Variants in LTV1 observed in about 807,000 individuals in gnomAD.
The protein encoded by LTV1 is LTV1 ribosome biogenesis factor.
LTV1 carries 39 observed loss-of-function variants against 59.9 expected under a neutral mutation model. The observed-to-expected ratio is 0.65, with a 90% CI of 0.50 to 0.85. The LOEUF is 0.85. Among genes scored for constraint, LTV1 ranks in the 40% least tolerant of loss-of-function variants. LTV1 has a pLI of 0.00. For synonymous variants in LTV1, 171 were observed against 189.5 expected, an observed-to-expected ratio of 0.90 and a Z score of 0.80; for missense variants, 493 against 549.1, an observed-to-expected ratio of 0.90 and a Z score of 1.02.
At chr6:143,847,516 T>C (rs779115932) in intron 3 of LTV1, among the ~76,000 whole-genome samples, 7 of 152,164 alleles carry the variant, frequency 4.6e-5, no homozygotes, top group Non-Finnish European at 1.0e-4. Flanking sequence ...CATGTGGCAC[T>C]GTGCCCGGCT....
chr6:143,849,838 C>G (rs1187367881), intron 3 of LTV1, among the ~76,000 whole-genome samples: 5 of 152,094 alleles, frequency 3.3e-5, no homozygotes, highest in Non-Finnish European at 4.4e-5. Context: ...TTCCTAACTT[C>G]CGAAGGTTAC....
rs1260494543 is a variant in LTV1, at chr6:143,863,187, T to C, written c.1218T>C (p.Asn406=). 2 of 1,613,906 alleles carry C rather than the reference T, an allele frequency of 1.2e-6. No individual in the cohort carries two copies. Among genetic ancestry groups the C allele is most frequent in the Admixed American group, 1.7e-5 (1 of 60,004 alleles). ...AAACTGAAAGAATACAGATGATTAATGGCAGTGATCTTCCTAAAGTATCAA... is the reference window on the plus strand; with the variant it reads ...AAACTGAAAGAATACAGATGATTAACGGCAGTGATCTTCCTAAAGTATCAA... ...AKQTERIQMI[N]GSDLPKVSTQ... Residue 406 remains asparagine, a synonymous_variant, in exon 10 of 11, where the codon AAT becomes AAC. Coordinates refer to ENST00000367576, the MANE Select transcript of LTV1 (RefSeq NM_032860.5). This position sits in a 1 kb window ranked among gnomAD's most constrained non-coding sequence, Gnocchi z 4.5.
chr6:143,847,594 C>G (rs960652011), intron 3 of LTV1, among the ~76,000 whole-genome samples: 12 of 152,350 alleles, frequency 7.9e-5, no homozygotes, highest in South Asian at 2.1e-4. Flanking sequence ...CTCCCGACTT[C>G]AGGTGATCTG....
chr6:143,843,633 C>T (rs1020227459), intron 1 of LTV1, among the ~76,000 whole-genome samples, 153 bp downstream of exon 1: 14 of 152,302 alleles, frequency 9.2e-5, no homozygotes, highest in African/African-American at 3.4e-4. Context: ...ACGTCACCAC[C>T]GTGGGCATTC....
rs201492042 is a variant in LTV1 at position 143,855,954 on chromosome 6, G to T, written c.398-1349G>T. 6.6e-6 allele frequency among the ~76,000 whole-genome samples: 1 copy of T among 151,070 alleles called. No individual in the cohort carries two copies. Among genetic ancestry groups the T allele is most frequent in the African/African-American group, 2.4e-5 (1 of 41,154 alleles). On this transcript the variant is annotated intron_variant, in intron 4 of 10. Transcript: ENST00000367576. This position sits in a 1 kb window ranked among gnomAD's most constrained non-coding sequence, Gnocchi z 4.6. ...GCTCTTCTCGAGGAGTATCTTTGTG[G>T]TTCCTGAATTTGAATGTTGGCCTCT...
At chr6:143,847,427 T>A (rs1017032949) in intron 3 of LTV1, among the ~76,000 whole-genome samples, 1 of 152,256 alleles carries the variant, frequency 6.6e-6, no homozygotes, top group East Asian at 1.9e-4. Context: ...AGTGGCACGA[T>A]CTCGGCTCAC....
rs775921253 is a variant in LTV1 at position 143,844,563 on chromosome 6, T to C, written c.81T>C (p.Asp27=). Residue 27 remains aspartate, a synonymous_variant, in exon 2 of 11, where the codon GAT becomes GAC. Coordinates refer to ENST00000367576, the MANE Select transcript of LTV1 (RefSeq NM_032860.5). The part of the protein sequence containing the change: ...SFHLVHRSQR[D]PLAADESAPQ... ...ACTTGGTCCACCGGAGCCAACGAGA[T>C]CCTTTAGCAGCAGATGAGAGTGCAC... 1.9e-5 allele frequency: 31 copies of C among 1,613,980 alleles called. No individual in the cohort carries two copies. The Admixed American group carries it at 5.2e-4, about 27-fold the overall frequency.
In LTV1 at chr6:143,863,562, G is replaced by T; in HGVS notation, c.*35G>T. On this transcript the variant is annotated 3_prime_UTR_variant, in exon 11 of 11. Coordinates refer to ENST00000367576, the MANE Select transcript of LTV1 (RefSeq NM_032860.5). The surrounding 1 kb of genome is among the most constrained non-coding windows in gnomAD (Gnocchi z 4.5). ...CATACAGGGCAAGGCACTTTATTAG[G>T]GGCTCCTCATCTTTGGTTATTGACT... 1 of 1,380,860 alleles carries T rather than the reference G, an allele frequency of 7.2e-7. No homozygotes were observed. 85.5% of individuals were successfully genotyped at this position (1,380,860 alleles called of 1,614,324 possible). A position where few individuals can be genotyped will look rare whatever the true frequency, so the allele number is the denominator to read the frequency against.
At chr6:143,851,648 C>T (rs1341482881) in intron 4 of LTV1, among the ~76,000 whole-genome samples, 1 of 151,580 alleles carries the variant, frequency 6.6e-6, no homozygotes, top group Non-Finnish European at 1.5e-5. Context: ...TGTAGGTATA[C>T]ACGTCATGGT....
intron 4 of LTV1, among the ~76,000 whole-genome samples, chr6:143,856,613 G>A (rs936188019): frequency 2.0e-5 from 3 of 152,092 alleles, no homozygotes; most frequent in Non-Finnish European, 4.4e-5. Context: ...CTTTGGATGG[G>A]GTTTCTGTGT....
rs568096707 is a variant in LTV1, at chr6:143,855,065, T to C, written c.398-2238T>C. Among the ~76,000 whole-genome samples the C allele has an allele frequency of 6.6e-6, 1 of 152,286 alleles. No homozygotes were observed. The highest frequency in any genetic ancestry group is 2.1e-4 in the South Asian group (1 of 4,828). ...GTGGGGTGTTAAAGTCTCCCATTAT[T>C]ATTGTGTGGGAGTCTAAGTCTCTTT... On this transcript the variant is annotated intron_variant, in intron 4 of 10. Transcript: ENST00000367576. This position sits in a 1 kb window ranked among gnomAD's most constrained non-coding sequence, Gnocchi z 4.6.
Position 143,863,171 on chromosome 6 carries a change from G to T in LTV1, c.1202G>T (p.Arg401Ile), listed in dbSNP as rs1331685095. The T allele has an allele frequency of 1.9e-6, 3 of 1,613,818 alleles. No individual in the cohort carries two copies. Among genetic ancestry groups the T allele is most frequent in the Non-Finnish European group, 8.5e-7 (1 of 1,179,896 alleles). ...GGACTCACAGCAAAGCAAACTGAAA[G>T]AATACAGATGATTAATGGCAGTGAT... ...KKGLTAKQTE[R>I]IQMINGSDLP... The change falls in exon 10 of 11, where the codon AGA (arginine) becomes ATA (isoleucine). Residue 401 changes from arginine (R) to isoleucine (I), a missense_variant. Transcript: ENST00000367576. This position sits in a 1 kb window ranked among gnomAD's most constrained non-coding sequence, Gnocchi z 4.5.
chr6:143,857,994 A>G lies in LTV1; in HGVS notation c.782A>G (p.Glu261Gly), dbSNP rs764062432. The G allele has an allele frequency of 6.2e-7, 1 of 1,614,000 alleles. No homozygotes were observed. The highest frequency in any genetic ancestry group is 1.1e-5 in the South Asian group (1 of 91,070). Residue 261 changes from glutamate (E) to glycine (G), a missense_variant, in exon 6 of 11, where the codon GAG (glutamate) becomes GGG (glycine). By Grantham distance (98) the Glu-to-Gly change is moderately conservative. Transcript: ENST00000367576. This position sits in a 1 kb window ranked among gnomAD's most constrained non-coding sequence, Gnocchi z 5.2. Reference protein sequence around the residue: ...RRNEQLTLHDERFEKFYEQYD... With the variant: ...RRNEQLTLHDGRFEKFYEQYD... ...AATGAACAGCTGACCCTACATGATG[A>G]GAGGTTTGAGAAGGTAAGGTCCCCA...
intron 2 of LTV1, among the ~76,000 whole-genome samples, chr6:143,845,633 A>C (rs754637651): frequency 9.2e-5 from 14 of 152,166 alleles, no homozygotes; most frequent in Non-Finnish European, 1.6e-4. Context: ...CTACCTCAGC[A>C]TCCCAAAGTG....
In LTV1 at chr6:143,863,492, A is replaced by G. The variant is rs749043731; in HGVS notation, c.1393A>G (p.Asn465Asp). Residue 465 changes from asparagine (N) to aspartate (D), a missense_variant, in exon 11 of 11, where the codon AAC becomes GAC. Coordinates refer to ENST00000367576, the MANE Select transcript of LTV1 (RefSeq NM_032860.5). This position sits in a 1 kb window ranked among gnomAD's most constrained non-coding sequence, Gnocchi z 4.5. ...AAGAAGGCAAGAAAAAGAGCTGCTGAACTTGAAGAAGAATGTTGAGGGTCT... is the reference window on the plus strand; with the variant it reads ...AAGAAGGCAAGAAAAAGAGCTGCTGGACTTGAAGAAGAATGTTGAGGGTCT... ...EKRRQEKELLNLKKNVEGLKL is the reference protein window; with the variant it reads ...EKRRQEKELLDLKKNVEGLKL 6 of 1,613,690 alleles carry G rather than the reference A, an allele frequency of 3.7e-6. No individual in the cohort carries two copies. Among genetic ancestry groups the G allele is most frequent in the Non-Finnish European group, 3.4e-6 (4 of 1,179,896 alleles).
Position 143,863,556 on chromosome 6 carries a change from T to C in LTV1, c.*29T>C, listed in dbSNP as rs1303976685. On this transcript the variant is annotated 3_prime_UTR_variant, in exon 11 of 11. Transcript: ENST00000367576. This position sits in a 1 kb window ranked among gnomAD's most constrained non-coding sequence, Gnocchi z 4.5. ...GTGGAGCATACAGGGCAAGGCACTT[T>C]ATTAGGGGCTCCTCATCTTTGGTTA... 7.0e-7 allele frequency: 1 copy of C among 1,419,408 alleles called. No homozygotes were observed. The highest frequency in any genetic ancestry group is 1.3e-5 in the South Asian group (1 of 77,004). 87.9% of individuals were successfully genotyped at this position (1,419,408 alleles called of 1,614,324 possible). A position where few individuals can be genotyped will look rare whatever the true frequency, so the allele number is the denominator to read the frequency against.
Position 143,843,339 on chromosome 6 carries a change from TGA to T in LTV1, c.-138_-137del. On this transcript the variant is annotated 5_prime_UTR_variant, in exon 1 of 11. Coordinates refer to ENST00000367576, the MANE Select transcript of LTV1 (RefSeq NM_032860.5). ...TGGTCCGTTTCCACGGCCGGCTGGG[TGA>T]CGTTATCGCCGGGTCCTGGGGCTGC... 2 of 1,053,576 alleles carry T rather than the reference TGA, an allele frequency of 1.9e-6. No individual in the cohort carries two copies. 65.3% of individuals were successfully genotyped at this position (1,053,576 alleles called of 1,614,324 possible).
In LTV1 at chr6:143,860,417, A is replaced by T; in HGVS notation, c.796-9A>T. On this transcript the variant is annotated splice_polypyrimidine_tract_variant and intron_variant, in intron 6 of 10. Coordinates refer to ENST00000367576, the MANE Select transcript of LTV1 (RefSeq NM_032860.5). ...TTTTCATGGTATCTTTTCTCTGTTT[A>T]TATTCAAGTTTTATGAGCAATATGA... 2.5e-6 allele frequency: 4 copies of T among 1,611,942 alleles called. No homozygotes were observed. Among genetic ancestry groups the T allele is most frequent in the Non-Finnish European group, 3.4e-6 (4 of 1,179,080 alleles).
In LTV1 at chr6:143,862,996, A is replaced by G; in HGVS notation, c.1117-90A>G. 3 of 1,452,598 alleles carry G rather than the reference A, an allele frequency of 2.1e-6. No individual in the cohort carries two copies. Among genetic ancestry groups the G allele is most frequent in the South Asian group, 1.1e-5 (1 of 87,040 alleles). The allele number at this position is 1,452,598 out of a possible 1,614,324, so 90.0% of individuals were successfully genotyped here. A position where few individuals can be genotyped will look rare whatever the true frequency, so the allele number is the denominator to read the frequency against. On this transcript the variant is annotated intron_variant, in intron 9 of 10. Transcript: ENST00000367576. The surrounding 1 kb of genome is among the most constrained non-coding windows in gnomAD (Gnocchi z 4.2). ...TTTTTATCTTTATGGCTAGAGTGAT[A>G]TTAGAAAAAGCATCAACAGTATGTC... is the stretch of plus-strand genomic sequence containing the variant.
Sources: gnomAD v4.1 joint callset for allele counts (sites outside exome capture counted in the v4.1 genomes callset) on GRCh38, gnomAD v4.1.1 for gene constraint, Gnocchi (gnomAD v3.1) non-coding constraint, MANE v1.5 for transcripts, NCBI Gene and HGNC (gene_info 2026-07-23, HGNC 2026-07-21) for gene names.